The following PBX3 variants were observed in gnomAD, a reference collection of about 807,000 sequenced individuals.
PBX3 encodes the protein pre-B-cell leukemia transcription factor 3.
In PBX3, 14 loss-of-function variants were observed where a neutral mutation model predicts 48.5. That is an observed-to-expected ratio of 0.29 (90% CI 0.19 to 0.45). The LOEUF (loss-of-function observed/expected upper bound fraction) is 0.45. Ranked by LOEUF, PBX3 falls within the 20% of genes least tolerant of loss-of-function variation. PBX3 has a pLI of 1.00. For missense variants in PBX3, 386 were observed against 546.7 expected (o/e 0.71, Z 2.93); for synonymous variants, 210 against 200.3 (o/e 1.05, Z -0.41).
At chr9:125,780,717 C>CG (rs1403465259) in intron 2 of PBX3, among the ~76,000 whole-genome samples, 1 of 56,058 alleles carries the variant, frequency 1.8e-5, no homozygotes, top group Non-Finnish European at 3.3e-5. Flanking sequence ...CCCTCCCGGA[C>CG]GGGGGGCTGA....
intron 2 of PBX3, among the ~76,000 whole-genome samples, chr9:125,878,077 G>A (rs1840298444): frequency 6.6e-6 from 1 of 152,170 alleles, no homozygotes; most frequent in East Asian, 1.9e-4. Flanking sequence ...ACTCTTTACT[G>A]ATTTTGCCAC....
intron 2 of PBX3, among the ~76,000 whole-genome samples, chr9:125,910,012 G>A (rs142069442): frequency 2.0e-5 from 3 of 152,242 alleles, no homozygotes; most frequent in Non-Finnish European, 2.9e-5. Context: ...ATAAAGCGAT[G>A]GATTGACAGT....
chr9:125,808,360 T>C (rs1838188699), intron 2 of PBX3, among the ~76,000 whole-genome samples: 1 of 152,180 alleles, frequency 6.6e-6, no homozygotes, highest in South Asian at 2.1e-4. Context: ...ATTCTCATTA[T>C]TTATAGCAAT....
At chr9:125,820,317 A>G (rs890439501) in intron 2 of PBX3, among the ~76,000 whole-genome samples, 3 of 152,240 alleles carry the variant, frequency 2.0e-5, no homozygotes, top group African/African-American at 7.2e-5. Context: ...TACCGAGATT[A>G]AGGAATGTCT....
chr9:125,770,707 C>G (rs1836919092), intron 2 of PBX3, among the ~76,000 whole-genome samples: 1 of 152,060 alleles, frequency 6.6e-6, no homozygotes, highest in Admixed American at 6.6e-5. Context: ...GACTTGGAAG[C>G]TGGGAAGCTG....
intron 2 of PBX3, among the ~76,000 whole-genome samples, chr9:125,911,125 T>C (rs1394405933): frequency 2.0e-5 from 3 of 152,078 alleles, no homozygotes; most frequent in African/African-American, 7.2e-5. Flanking sequence ...TTCACCACTG[T>C]TTCCAAATTA....
intron 2 of PBX3, among the ~76,000 whole-genome samples, chr9:125,769,239 C>T (rs1564645071): frequency 6.6e-6 from 1 of 152,274 alleles, no homozygotes; most frequent in East Asian, 1.9e-4. Flanking sequence ...TTGCTTTGTG[C>T]AATGGCGCCA....
chr9:125,867,154 G>A (rs10986993), intron 2 of PBX3, among the ~76,000 whole-genome samples: 3,015 of 151,762 alleles, frequency 0.02, 164 homozygotes, highest in East Asian at 0.17. Flanking sequence ...GCACACAAAT[G>A]ATGCATTTCA....
chr9:125,954,149 T>A (rs1358328212), intron 5 of PBX3, among the ~76,000 whole-genome samples: 2 of 152,198 alleles, frequency 1.3e-5, no homozygotes, highest in Non-Finnish European at 2.9e-5. Flanking sequence ...CAAGAGACAT[T>A]ATGAAATATT....
At chr9:125,850,014 C>A (rs1351101760) in intron 2 of PBX3, among the ~76,000 whole-genome samples, 1 of 151,868 alleles carries the variant, frequency 6.6e-6, no homozygotes, top group African/African-American at 2.4e-5. Context: ...CCAAAGAAAC[C>A]ATCAGGCTTT....
chr9:125,811,072 T>C (rs1251079815), intron 2 of PBX3, among the ~76,000 whole-genome samples: 3 of 152,170 alleles, frequency 2.0e-5, no homozygotes, highest in African/African-American at 7.2e-5. Flanking sequence ...CATGGTTCCT[T>C]AGCCTCTTTC....
rs151215700 is a variant in PBX3 at position 125,790,817 on chromosome 9, G to A, written c.274+42194G>A. On this transcript the variant is annotated intron_variant, in intron 2 of 8. Coordinates refer to ENST00000373489, the MANE Select transcript of PBX3 (RefSeq NM_006195.6). ...TCTGGCCTGGAGTGATCCTCTCAAA[G>A]TGTTGGGATTATAGGTGTGAGCCAC... Among the ~76,000 whole-genome samples, 911 of 152,140 alleles carry A rather than the reference G, an allele frequency of 6.0e-3. 2 individuals carry two copies. The highest frequency in any genetic ancestry group is 8.3e-3 in the Non-Finnish European group (564 of 68,000).
chr9:125,960,564 G>A, intron 5 of PBX3, 120 bp from the exon 6 acceptor site: 1 of 796,340 alleles, frequency 1.3e-6, no homozygotes, highest in African/African-American at 1.7e-5. Flanking sequence ...TAGGATGTGA[G>A]GTTGCAGGCT....
intron 2 of PBX3, among the ~76,000 whole-genome samples, chr9:125,810,948 GTTA>G (rs779559239): frequency 2.4e-4 from 37 of 152,134 alleles, no homozygotes; most frequent in Admixed American, 6.6e-5. Context: ...TGAGGATTTG[GTTA>G]TTATTCCAGG....
At position 125,963,049 on chromosome 9, in the gene PBX3, G is replaced by C. The variant is rs1292801224; in HGVS notation, c.1160G>C (p.Gly387Ala). Reference protein sequence around the residue: ...TLRHVINQTGGYSDGLGGNSL... With the variant: ...TLRHVINQTGAYSDGLGGNSL... ...CGTCATGTTATCAATCAGACGGGAG[G>C]CTACAGTGATGGCCTTGGAGGAAAT... The change falls in exon 8 of 9, where the codon GGC (glycine) becomes GCC (alanine). Residue 387 changes from glycine (G) to alanine (A), a missense_variant. Coordinates refer to ENST00000373489, the MANE Select transcript of PBX3 (RefSeq NM_006195.6). 1.2e-6 allele frequency: 2 copies of C among 1,610,468 alleles called. No homozygotes were observed. Among genetic ancestry groups the C allele is most frequent in the East Asian group, 4.5e-5 (2 of 44,762 alleles).
intron 5 of PBX3, chr9:125,949,262 AG>A (rs1396743312): frequency 3.8e-6 from 5 of 1,303,008 alleles, no homozygotes; most frequent in Non-Finnish European, 5.3e-6. Context: ...CAGGGGATTC[AG>A]GGGTTAATGA....
intron 2 of PBX3, among the ~76,000 whole-genome samples, chr9:125,817,696 C>T (rs1022492241): frequency 5.3e-5 from 8 of 152,160 alleles, no homozygotes; most frequent in Admixed American, 5.2e-4. Flanking sequence ...AATTTTCATT[C>T]AGCTTTGATT....
At chr9:125,896,684 TCA>T in intron 2 of PBX3, among the ~76,000 whole-genome samples, 1 of 152,198 alleles carries the variant, frequency 6.6e-6, no homozygotes, top group East Asian at 1.9e-4. Flanking sequence ...TCAAGAGCCA[TCA>T]CACTCATTAA....
At chr9:125,937,796 A>G (rs1033874411) in intron 5 of PBX3, among the ~76,000 whole-genome samples, 23 of 151,882 alleles carry the variant, frequency 1.5e-4, no homozygotes, top group African/African-American at 5.1e-4. Flanking sequence ...CTGAGTAGCT[A>G]GGACTACAGG....
Sources: allele counts gnomAD v4.1 joint callset (sites outside exome capture counted in the v4.1 genomes callset), GRCh38; gene constraint gnomAD v4.1.1; transcripts MANE v1.5; gene names NCBI Gene and HGNC (gene_info 2026-07-23, HGNC 2026-07-21).